Variants in TNXB observed in about 807,000 individuals in gnomAD.
The protein encoded by TNXB is tenascin XB.
In TNXB, 183 loss-of-function variants were observed where a neutral mutation model predicts 340.5. The observed-to-expected ratio is 0.54, with a 90% CI of 0.48 to 0.61. TNXB has a LOEUF of 0.61. Ranked by LOEUF, TNXB falls within the 20% of genes least tolerant of loss-of-function variation. The probability of loss-of-function intolerance (pLI) is 0.00; values close to 1 mark genes in which losing one functional copy is unlikely to be tolerated. For synonymous variants in TNXB, 2,121 were observed against 2,314.5 expected (o/e 0.92, Z 2.40); for missense variants, 4,613 against 5,446.4 (o/e 0.85, Z 4.82).
In TNXB at chr6:32,052,852, C is replaced by G. The variant is rs201584548; in HGVS notation, c.8933G>C (p.Arg2978Pro). Residue 2978 changes from arginine to proline, a missense_variant, in exon 26 of 44, where the codon CGC becomes CCC. Arg to Pro is a moderately radical substitution (Grantham distance 103). This residue lies in a region of TNXB where 4,327 missense variants were observed against 4,859.4 expected (regional missense o/e 0.89). Coordinates refer to ENST00000644971, the MANE Select transcript of TNXB (RefSeq NM_001365276.2). The surrounding 1 kb of genome is among the most constrained non-coding windows in gnomAD (Gnocchi z 4.7). Reference protein sequence around the residue: ...LSLSWTIPQGRFDSFTVQYKD... With the variant: ...LSLSWTIPQGPFDSFTVQYKD... ...GTACTGCACAGTGAAGGAGTCGAAG[C>G]GGCCCTGGGGGATGGTCCAGGAGAG... The G allele has an allele frequency of 2.5e-6, 4 of 1,613,250 alleles. No homozygotes were observed. The highest frequency in any genetic ancestry group is 3.4e-6 in the Non-Finnish European group (4 of 1,179,884).
intron 13 of TNXB, among the ~76,000 whole-genome samples, chr6:32,071,574 C>CTT (rs1778773239): frequency 1.8e-5 from 2 of 112,882 alleles, no homozygotes; most frequent in Non-Finnish European, 3.8e-5. Flanking sequence ...TGCGGCTTTT[C>CTT]TTTCTTTTTT....
rs1486298471 is a variant in TNXB at position 32,087,844 on chromosome 6, G to C, written c.2779+941C>G. On this transcript the variant is annotated intron_variant, in intron 6 of 43. Coordinates refer to ENST00000644971, the MANE Select transcript of TNXB (RefSeq NM_001365276.2). The surrounding 1 kb of genome is among the most constrained non-coding windows in gnomAD (Gnocchi z 9.0). ...CCGCCGTGGGGGCTGGGACAGGCTT[G>C]GCCTGGGCGGGGACTCCTCCTCCCT... is the stretch of plus-strand genomic sequence containing the variant. The C allele has an allele frequency of 2.0e-6, 1 of 489,106 alleles. No homozygotes were observed. Among genetic ancestry groups the C allele is most frequent in the African/African-American group, 2.0e-5 (1 of 48,916 alleles). The allele number at this position is 489,106 out of a possible 1,614,324, so 30.3% of individuals were successfully genotyped here.
Position 32,069,165 on chromosome 6 carries a change from T to C in TNXB, c.5588-29A>G, listed in dbSNP as rs2151915541. On this transcript the variant is annotated intron_variant, in intron 15 of 43. Transcript: ENST00000644971. The surrounding 1 kb of genome is among the most constrained non-coding windows in gnomAD (Gnocchi z 6.2). ...GTTCACAGAGACAGGTAGAGACAGA[T>C]GGCTGGTGTGTCGCTGCACCCAGAC... The C allele has an allele frequency of 1.3e-6, 2 of 1,577,748 alleles. No individual in the cohort carries two copies. The highest frequency in any genetic ancestry group is 1.7e-4 in the Middle Eastern group (1 of 5,970).
intron 11 of TNXB, among the ~76,000 whole-genome samples, chr6:32,077,332 A>G (rs1779135154): frequency 6.6e-6 from 1 of 152,244 alleles, no homozygotes; most frequent in African/African-American, 2.4e-5. Flanking sequence ...CAAAGAAAAT[A>G]AATTGAGGGT....
At chr6:32,093,200 A>G (rs1780157740) in intron 4 of TNXB, 1 of 587,268 alleles carries the variant, frequency 1.7e-6, no homozygotes, top group Non-Finnish European at 3.1e-6. Flanking sequence ...TAATATATAC[A>G]GAGAAGAAGA....
At chr6:32,105,988 A>G (rs1049652271) in intron 1 of TNXB, among the ~76,000 whole-genome samples, 3 of 152,206 alleles carry the variant, frequency 2.0e-5, no homozygotes, top group Admixed American at 1.3e-4. Context: ...TCTTACTAAG[A>G]TGATGTTGAA....
In TNXB at chr6:32,042,618, G is replaced by C; in HGVS notation, c.12059-12C>G. 6.5e-6 allele frequency: 10 copies of C among 1,538,948 alleles called. No individual in the cohort carries two copies. The highest frequency in any genetic ancestry group is 8.8e-6 in the Non-Finnish European group (10 of 1,136,420). ...GATCCGCAGCCCACCTGGGAGAGGAGAGCAGGGGCCAGTCCTTTTCCAAGC... is the reference window on the plus strand; with the variant it reads ...GATCCGCAGCCCACCTGGGAGAGGACAGCAGGGGCCAGTCCTTTTCCAAGC... On this transcript the variant is annotated splice_polypyrimidine_tract_variant and intron_variant, in intron 39 of 43. Transcript: ENST00000644971.
chr6:32,100,728 A>C (rs955764980), intron 1 of TNXB, among the ~76,000 whole-genome samples: 3 of 152,004 alleles, frequency 2.0e-5, no homozygotes, highest in Non-Finnish European at 4.4e-5. Flanking sequence ...CTCTGTTTCA[A>C]AAAAAAGAAA....
At position 32,085,826 on chromosome 6, in the gene TNXB, G is replaced by C. The variant is rs766600349; in HGVS notation, c.3072C>G (p.Thr1024=). The change falls in exon 7 of 44, where the codon ACC becomes ACG. Residue 1024 remains threonine, a synonymous_variant. Transcript: ENST00000644971. This position sits in a 1 kb window ranked among gnomAD's most constrained non-coding sequence, Gnocchi z 6.4. ...CCCCATGAAGTGACAGCTCATACGG[G>C]GTTCCAGGAGGGGGTGGAGGCACCA... ...QALVPPPPPG[T]PYELSLHGVP... 5.0e-6 allele frequency: 8 copies of C among 1,604,446 alleles called. No homozygotes were observed. Among genetic ancestry groups the C allele is most frequent in the Non-Finnish European group, 6.8e-6 (8 of 1,176,486 alleles).
intron 29 of TNXB, 132 bp downstream of exon 29, chr6:32,048,231 C>A: frequency 9.0e-7 from 1 of 1,107,702 alleles, no homozygotes; most frequent in Non-Finnish European, 1.2e-6. Flanking sequence ...GAGCTCAGGG[C>A]CTGGGTTTTC....
chr6:32,061,427 C>A lies in TNXB; in HGVS notation c.7462G>T (p.Val2488Leu). ...HLYGLHEGRR[V>L]GPVSTVGVTA... ...ACGCCCACGGTGGACACCGGGCCCA[C>A]GCGCCGCCCCTCGTGGAGGCCATAC... Residue 2488 changes from valine to leucine, a missense_variant, in exon 21 of 44, where the codon GTG (valine) becomes TTG (leucine). Coordinates refer to ENST00000644971, the MANE Select transcript of TNXB (RefSeq NM_001365276.2). This position sits in a 1 kb window ranked among gnomAD's most constrained non-coding sequence, Gnocchi z 4.4. 2 of 1,612,774 alleles carry A rather than the reference C, an allele frequency of 1.2e-6. 1 individual carries two copies. Among genetic ancestry groups the A allele is most frequent in the East Asian group, 4.5e-5 (2 of 44,868 alleles).
At position 32,064,325 on chromosome 6, in the gene TNXB, G is replaced by A. The variant is rs1406773783; in HGVS notation, c.6841+496C>T. ...CCTCCTGGGTTCAAGCGATTCTCCC[G>A]CCTTAGCCTCCCGAGTAGCTGGGAC... is the stretch of plus-strand genomic sequence containing the variant. On this transcript the variant is annotated intron_variant, in intron 19 of 43. Coordinates refer to ENST00000644971, the MANE Select transcript of TNXB (RefSeq NM_001365276.2). This position sits in a 1 kb window ranked among gnomAD's most constrained non-coding sequence, Gnocchi z 5.3. Among the ~76,000 whole-genome samples the A allele has an allele frequency of 3.3e-5, 5 of 152,078 alleles. No individual in the cohort carries two copies. Among genetic ancestry groups the A allele is most frequent in the African/African-American group, 1.2e-4 (5 of 41,388 alleles).
chr6:32,055,491 T>G (rs1231586463), intron 24 of TNXB, among the ~76,000 whole-genome samples: 1 of 152,130 alleles, frequency 6.6e-6, no homozygotes, highest in Non-Finnish European at 1.5e-5. Context: ...CCTCACTGCC[T>G]TCTGTCTTCC....
At position 32,098,190 on chromosome 6, in the gene TNXB, T is replaced by C; in HGVS notation, c.9A>G (p.Pro3=). The C allele has an allele frequency of 6.6e-7, 1 of 1,518,350 alleles. No homozygotes were observed. Among genetic ancestry groups the C allele is most frequent in the Non-Finnish European group, 8.8e-7 (1 of 1,130,244 alleles). The allele number at this position is 1,518,350 out of a possible 1,614,324, so 94.1% of individuals were successfully genotyped here. MM[P]AQYALTSSLV... The stretch of plus-strand genomic sequence containing the variant: ...GGCTGGAGGTTAGAGCATACTGGGC[T>C]GGCATCATTCAGGAGGCTGCAGGGA... The change falls in exon 2 of 44, where the codon CCA becomes CCG. Residue 3 remains proline, a synonymous_variant. Transcript: ENST00000644971.
intron 11 of TNXB, among the ~76,000 whole-genome samples, chr6:32,076,340 CT>C (rs906289145): frequency 1.4e-4 from 22 of 152,236 alleles, no homozygotes; most frequent in African/African-American, 5.3e-4. Flanking sequence ...ACCTCTCCCC[CT>C]GGCAACTGCA....
Position 32,053,632 on chromosome 6 carries a change from C to T in TNXB, c.8547G>A (p.Glu2849=), listed in dbSNP as rs1334859687. The change falls in exon 25 of 44, where the codon GAG becomes GAA. Residue 2849 remains glutamate (E), a synonymous_variant. Coordinates refer to ENST00000644971, the MANE Select transcript of TNXB (RefSeq NM_001365276.2). ...PEPPNKPRLG[E]LTVTDATPDS... is the part of the protein sequence containing the mutation. The stretch of plus-strand genomic sequence containing the variant: ...CAGGGGTGGCATCTGTCACGGTCAG[C>T]TCCCCGAGGCGAGGCTTGTTGGGGG... The T allele has an allele frequency of 1.2e-6, 2 of 1,613,492 alleles. No homozygotes were observed. The highest frequency in any genetic ancestry group is 2.2e-5 in the East Asian group (1 of 44,878).
chr6:32,087,830 GCTGGGACAGGCTTGGC>G lies in TNXB; in HGVS notation c.2779+939_2779+954del. ...AGGTTGCCCCAAGGCCGCCGTGGGG[GCTGGGACAGGCTTGGC>G]CTGGGCGGGGACTCCTCCTCCCTTT... On this transcript the variant is annotated intron_variant, in intron 6 of 43. Transcript: ENST00000644971. The surrounding 1 kb of genome is among the most constrained non-coding windows in gnomAD (Gnocchi z 9.0). The G allele has an allele frequency of 2.0e-6, 1 of 504,008 alleles. No individual in the cohort carries two copies. Among genetic ancestry groups the G allele is most frequent in the Non-Finnish European group, 3.9e-6 (1 of 253,708 alleles). The allele number at this position is 504,008 out of a possible 1,614,324, so 31.2% of individuals were successfully genotyped here.
At chr6:32,048,755 A>C in intron 28 of TNXB, 105 bp from the exon 29 acceptor site, 1 of 1,174,076 alleles carries the variant, frequency 8.5e-7, no homozygotes, top group Non-Finnish European at 1.1e-6. Context: ...GCCTCCTCTA[A>C]AACGCTTGTT....
rs779636927 is a variant in TNXB, at chr6:32,046,475, GA to G, written c.10325-20del. The G allele has an allele frequency of 1.8e-5, 28 of 1,546,494 alleles. No individual in the cohort carries two copies. The highest frequency in any genetic ancestry group is 2.3e-5 in the Non-Finnish European group (26 of 1,142,142). On this transcript the variant is annotated intron_variant, in intron 30 of 43. Transcript: ENST00000644971. This position sits in a 1 kb window ranked among gnomAD's most constrained non-coding sequence, Gnocchi z 6.9. ...AGGGGAGCTGTGCAGAGGGAGGAGG[GA>G]AAGCTCTTAGTCACATGCTGCCTTT...
Sources: gnomAD v4.1 joint callset for allele counts (sites outside exome capture counted in the v4.1 genomes callset) on GRCh38, gnomAD v4.1.1 for gene constraint, gnomAD v4.1.1 regional missense constraint, Gnocchi (gnomAD v3.1) non-coding constraint, MANE v1.5 for transcripts, NCBI Gene and HGNC (gene_info 2026-07-23, HGNC 2026-07-21) for gene names.